ATF6: variants seen among roughly 807,000 people sequenced by gnomAD.
ATF6 encodes activating transcription factor 6.
In ATF6, 53 loss-of-function variants were observed where a neutral mutation model predicts 83.6. That is an observed-to-expected ratio of 0.63 (90% CI 0.51 to 0.80). The LOEUF (loss-of-function observed/expected upper bound fraction) is 0.80, where lower values mean the gene tolerates loss of function less well. Ranked by LOEUF, ATF6 falls within the 30% of genes least tolerant of loss-of-function variation. The probability of loss-of-function intolerance (pLI) is 0.00; values close to 1 mark genes in which losing one functional copy is unlikely to be tolerated. For synonymous variants in ATF6, 288 were observed against 285.8 expected (o/e 1.01, Z -0.08); for missense variants, 744 against 797.9 (o/e 0.93, Z 0.81).
At chr1:161,952,214 G>A (rs992057973) in intron 15 of ATF6, among the ~76,000 whole-genome samples, 2 of 151,936 alleles carry the variant, frequency 1.3e-5, no homozygotes, top group African/African-American at 4.8e-5. Context: ...ACAGGTTCTA[G>A]CCCTGTTTTC....
intron 15 of ATF6, among the ~76,000 whole-genome samples, chr1:161,918,590 G>C (rs1688145864): frequency 6.6e-6 from 1 of 152,260 alleles, no homozygotes; most frequent in African/African-American, 2.4e-5. Flanking sequence ...AAAAGTTTGA[G>C]TACCTATTTA....
chr1:161,846,862 G>A (rs575086448), intron 10 of ATF6, among the ~76,000 whole-genome samples: 109 of 151,612 alleles, frequency 7.2e-4, no homozygotes, highest in African/African-American at 2.5e-3. Context: ...TATATATAAT[G>A]TCTTTAATAA....
intron 7 of ATF6, among the ~76,000 whole-genome samples, chr1:161,812,839 A>G (rs948825812): frequency 6.6e-6 from 1 of 151,664 alleles, no homozygotes; most frequent in African/African-American, 2.4e-5. Flanking sequence ...CCTGAAAGCC[A>G]TATTTGTATG....
At chr1:161,871,204 G>A (rs759439339) in intron 14 of ATF6, among the ~76,000 whole-genome samples, 1 of 151,620 alleles carries the variant, frequency 6.6e-6, no homozygotes, top group African/African-American at 2.4e-5. Context: ...CTCAATGAAT[G>A]TTTAAAATTA....
intron 15 of ATF6, among the ~76,000 whole-genome samples, chr1:161,938,203 C>A (rs1468215903): frequency 2.6e-5 from 4 of 152,190 alleles, no homozygotes; most frequent in Non-Finnish European, 1.5e-5. Context: ...CACTATGAAT[C>A]TTCCTTCTGC....
At chr1:161,783,861 G>C (rs957685409) in intron 3 of ATF6, 129 bp from the exon 4 acceptor site, 2 of 585,392 alleles carry the variant, frequency 3.4e-6, no homozygotes, top group Non-Finnish European at 3.0e-6. Flanking sequence ...ATTTTCACTC[G>C]TTATATTTTG....
intron 14 of ATF6, among the ~76,000 whole-genome samples, chr1:161,868,804 ATCAGCTTATTCTTGTC>A (rs1454298433): frequency 1.3e-4 from 20 of 150,868 alleles, no homozygotes; most frequent in African/African-American, 4.8e-4. Flanking sequence ...GCCAGATATC[ATCAGCTTATTCTTGTC>A]TCTGAATCTA....
intron 14 of ATF6, among the ~76,000 whole-genome samples, chr1:161,879,823 T>C (rs1348480517): frequency 6.6e-6 from 1 of 152,040 alleles, no homozygotes; most frequent in Non-Finnish European, 1.5e-5. Context: ...TTCCTCACCC[T>C]CTTCTCTTCC....
At chr1:161,865,060 A>G (rs1254412888) in intron 14 of ATF6, among the ~76,000 whole-genome samples, 1 of 152,194 alleles carries the variant, frequency 6.6e-6, no homozygotes, top group African/African-American at 2.4e-5. Flanking sequence ...TATAACAGAT[A>G]TTAGAAGTAA....
At chr1:161,786,928 C>T (rs1325246722) in intron 4 of ATF6, among the ~76,000 whole-genome samples, 1 of 152,188 alleles carries the variant, frequency 6.6e-6, no homozygotes, top group Non-Finnish European at 1.5e-5. Context: ...CAGTATGAAA[C>T]AGTTCTTCAT....
At chr1:161,858,194 G>A (rs915858058) in intron 12 of ATF6, among the ~76,000 whole-genome samples, 1 of 152,074 alleles carries the variant, frequency 6.6e-6, no homozygotes, top group African/African-American at 2.4e-5. Context: ...GTGAAAAGAA[G>A]ACAGGAAAAG....
intron 13 of ATF6, among the ~76,000 whole-genome samples, chr1:161,862,107 T>C (rs1686898923): frequency 6.6e-6 from 1 of 152,206 alleles, no homozygotes. Context: ...AACCTAACCC[T>C]GTATTTCCCC....
intron 15 of ATF6, among the ~76,000 whole-genome samples, chr1:161,932,618 G>A (rs781185997): frequency 6.6e-6 from 1 of 152,146 alleles, no homozygotes; most frequent in Non-Finnish European, 1.5e-5. Flanking sequence ...TTAGCTCAAT[G>A]AATAATTATA....
At chr1:161,847,737 C>T (rs549620131) in intron 10 of ATF6, among the ~76,000 whole-genome samples, 1 of 151,834 alleles carries the variant, frequency 6.6e-6, no homozygotes, top group Non-Finnish European at 1.5e-5. Context: ...TGTTAGTGTC[C>T]ACATAAGATC....
At chr1:161,820,931 T>A in intron 8 of ATF6, 139 bp from the exon 9 acceptor site, 2 of 486,428 alleles carry the variant, frequency 4.1e-6, no homozygotes, top group Non-Finnish European at 7.0e-6. Flanking sequence ...TTGATTTTTT[T>A]TTTTTTTTTA....
chr1:161,786,186 T>C (rs1684744408), intron 4 of ATF6, among the ~76,000 whole-genome samples: 1 of 152,128 alleles, frequency 6.6e-6, no homozygotes, highest in African/African-American at 2.4e-5. Flanking sequence ...GGTTTCACCA[T>C]GTTGGCCAGG....
chr1:161,825,351 C>T (rs1685867328), intron 9 of ATF6, among the ~76,000 whole-genome samples: 1 of 152,168 alleles, frequency 6.6e-6, no homozygotes, highest in African/African-American at 2.4e-5. Flanking sequence ...CAATTTAAGT[C>T]ATTTCTGACA....
intron 15 of ATF6, among the ~76,000 whole-genome samples, chr1:161,943,966 C>T (rs73019388): frequency 0.012 from 1,784 of 152,300 alleles, 23 homozygotes; most frequent in African/African-American, 0.04. Context: ...CACTTCTCCA[C>T]TCCAGCACCT....
chr1:161,846,449 C>T lies in ATF6; in HGVS notation c.1188C>T (p.Ser396=). 6.3e-7 allele frequency: 1 copy of T among 1,594,618 alleles called. No homozygotes were observed. Among genetic ancestry groups the T allele is most frequent in the South Asian group, 1.1e-5 (1 of 87,868 alleles). ...AFIILNYGPM[S]MLEQDSRRMN... ...ATTATTTCCTGTTTTTTATTTTCAG[C>T]ATGTTGGAACAGGATTCCAGGAGAA... is the stretch of plus-strand genomic sequence containing the variant. The change falls in exon 10 of 16, where the codon AGC becomes AGT. Residue 396 remains serine, a splice_region_variant and synonymous_variant. Coordinates refer to ENST00000367942, the MANE Select transcript of ATF6 (RefSeq NM_007348.4).
Sources: gnomAD v4.1 joint callset for allele counts (sites outside exome capture counted in the v4.1 genomes callset) on GRCh38, gnomAD v4.1.1 for gene constraint, MANE v1.5 for transcripts, NCBI Gene and HGNC (gene_info 2026-07-23, HGNC 2026-07-21) for gene names.